The following CLASP1 variants were observed in gnomAD, a reference collection of about 807,000 sequenced individuals.
CLASP1 encodes cytoplasmic linker associated protein 1, also known as CLIP-associating protein 1.
In CLASP1, 38 loss-of-function variants were observed where a neutral mutation model predicts 192.3. The observed-to-expected ratio is 0.20, with a 90% CI of 0.15 to 0.26. The LOEUF (loss-of-function observed/expected upper bound fraction) is 0.26, where lower values mean the gene tolerates loss of function less well. Among genes scored for constraint, CLASP1 ranks in the 10% least tolerant of loss-of-function variants. The pLI, the probability that CLASP1 is intolerant of heterozygous loss-of-function variation, is 1.00. For missense variants in CLASP1, 1,433 were observed against 1,932.5 expected (o/e 0.74, Z 4.85); for synonymous variants, 691 against 712.8 (o/e 0.97, Z 0.49).
intron 2 of CLASP1, among the ~76,000 whole-genome samples, chr2:121,566,183 G>A (rs772565625): frequency 2.0e-5 from 3 of 152,188 alleles, no homozygotes; most frequent in Non-Finnish European, 4.4e-5. Context: ...CCCACAAGAG[G>A]GGGTAGATGT....
intron 2 of CLASP1, among the ~76,000 whole-genome samples, chr2:121,602,289 T>C (rs2063888142): frequency 6.6e-6 from 1 of 151,068 alleles, no homozygotes; most frequent in Non-Finnish European, 1.5e-5. Flanking sequence ...CAAGGAAAAC[T>C]ACAAAACACT....
At position 121,556,983 on chromosome 2, in the gene CLASP1, G is replaced by C. The variant is rs190341665; in HGVS notation, c.196-26658C>G. 3.0e-4 allele frequency among the ~76,000 whole-genome samples: 45 copies of C among 152,316 alleles called. 1 individual carries two copies. Among genetic ancestry groups the C allele is most frequent in the African/African-American group, 1.1e-3 (44 of 41,570 alleles). On this transcript the variant is annotated intron_variant, in intron 2 of 39. Transcript: ENST00000263710. ...TCTGCTACCAAATGACTCTAGGTGT[G>C]TTATTAATACTTGCATAATCGGGGC... is the stretch of plus-strand genomic sequence containing the variant.
chr2:121,602,546 G>T (rs2063916640), intron 2 of CLASP1, among the ~76,000 whole-genome samples: 1 of 152,144 alleles, frequency 6.6e-6, no homozygotes, highest in Non-Finnish European at 1.5e-5. Context: ...CACACTAACA[G>T]ACCTCAAAGT....
chr2:121,340,430 C>A lies in CLASP1; in HGVS notation c.*431G>T, dbSNP rs76799534. The A allele has an allele frequency of 6.0e-3, 986 of 164,216 alleles. 16 individuals are homozygous for A. The highest frequency in any genetic ancestry group is 0.023 in the African/African-American group (939 of 41,622). 10.2% of individuals were successfully genotyped at this position (164,216 alleles called of 1,614,324 possible). Reference sequence around the variant, plus strand: ...TGAAAGGGGCCCCACACAGACCATACGCACAAGAAAATAGGCTAAGGAGGA... The same window carrying A: ...TGAAAGGGGCCCCACACAGACCATAAGCACAAGAAAATAGGCTAAGGAGGA... On this transcript the variant is annotated 3_prime_UTR_variant, in exon 40 of 40. Coordinates refer to ENST00000263710, the Ensembl canonical transcript of CLASP1.
intron 34 of CLASP1, among the ~76,000 whole-genome samples, chr2:121,375,529 A>ATTTTTTT (rs2069888442): frequency 1.3e-5 from 2 of 151,932 alleles, no homozygotes; most frequent in Non-Finnish European, 2.9e-5. Flanking sequence ...AAGCCCAGCT[A>ATTTTTTT]ATTTTTATAT....
intron 16 of CLASP1, among the ~76,000 whole-genome samples, chr2:121,449,679 T>C (rs1229182600): frequency 6.6e-6 from 1 of 152,168 alleles, no homozygotes; most frequent in Non-Finnish European, 1.5e-5. Flanking sequence ...CCATTCCTAA[T>C]AGTTTTTAGC....
chr2:121,478,865 CA>C (rs1382336150), intron 8 of CLASP1, among the ~76,000 whole-genome samples: 89 of 81,162 alleles, frequency 1.1e-3, no homozygotes, highest in African/African-American at 3.0e-3. Context: ...CCACACCACA[CA>C]CACACCACAC....
intron 22 of CLASP1, among the ~76,000 whole-genome samples, chr2:121,421,102 G>A (rs1340732475): frequency 6.6e-6 from 1 of 152,066 alleles, no homozygotes; most frequent in East Asian, 1.9e-4. Context: ...AACCTCAAGA[G>A]CTTTGGCATC....
chr2:121,488,337 T>C (rs867777771), intron 8 of CLASP1, among the ~76,000 whole-genome samples: 1 of 152,180 alleles, frequency 6.6e-6, no homozygotes, highest in South Asian at 2.1e-4. Context: ...TAGGATGAGA[T>C]TGATGTGCCA....
chr2:121,397,243 C>T (rs1026509834), exon 30 of CLASP1: 1 of 1,613,910 alleles, frequency 6.2e-7, no homozygotes, highest in African/African-American at 1.3e-5. Flanking sequence ...ATCCATCTGT[C>T]TGGCCAGAGA....
intron 26 of CLASP1, 82 bp from the exon 28 acceptor site, chr2:121,401,952 T>G (rs552380109): frequency 3.6e-6 from 2 of 559,336 alleles, no homozygotes; most frequent in Non-Finnish European, 6.8e-6. Flanking sequence ...ACCATTTTCA[T>G]GCGTTTTTTT....
At chr2:121,386,404 C>T (rs2073201030) in intron 32 of CLASP1, among the ~76,000 whole-genome samples, 1 of 152,140 alleles carries the variant, frequency 6.6e-6, no homozygotes, top group Non-Finnish European at 1.5e-5. Context: ...AAAATTTTGG[C>T]CTATAGGGCA....
chr2:121,352,625 A>AT (rs963576401), intron 37 of CLASP1, among the ~76,000 whole-genome samples: 1 of 152,136 alleles, frequency 6.6e-6, no homozygotes, highest in Non-Finnish European at 1.5e-5. Context: ...CTAAGCTTCC[A>AT]TTTTTTAATA....
intron 26 of CLASP1, among the ~76,000 whole-genome samples, chr2:121,402,974 G>A (rs2076360621): frequency 6.6e-6 from 1 of 152,158 alleles, no homozygotes; most frequent in African/African-American, 2.4e-5. Context: ...TGCGATTACA[G>A]GTGCCCGCCA....
exon 40 of CLASP1, chr2:121,339,131 CCACA>C (rs3839033): frequency 0.018 from 2,532 of 143,560 alleles, 35 homozygotes; most frequent in South Asian, 0.048. Flanking sequence ...ACACACAACA[CCACA>C]CACACACACA....
intron 1 of CLASP1, among the ~76,000 whole-genome samples, chr2:121,645,677 A>T (rs2073051917): frequency 6.6e-6 from 1 of 152,224 alleles, no homozygotes; most frequent in African/African-American, 2.4e-5. Context: ...GGTGATATAT[A>T]CAACAGGAAG....
Position 121,391,300 on chromosome 2 carries a change from A to G in CLASP1, c.3124-3394T>C, listed in dbSNP as rs549719197. 7.7e-4 allele frequency among the ~76,000 whole-genome samples: 117 copies of G among 152,340 alleles called. 1 individual carries two copies. The highest frequency in any genetic ancestry group is 3.1e-3 in the Admixed American group (47 of 15,300). On this transcript the variant is annotated intron_variant, in intron 30 of 39. Transcript: ENST00000263710. Reference sequence around the variant, plus strand: ...CTTCTCCAGGACCAGAGCAGGTTGAAGCTGACCTAGTGGGGAAATCCTCAC... The same window carrying G: ...CTTCTCCAGGACCAGAGCAGGTTGAGGCTGACCTAGTGGGGAAATCCTCAC...
At chr2:121,378,155 T>C (rs375219705) in intron 33 of CLASP1, among the ~76,000 whole-genome samples, 1 of 152,070 alleles carries the variant, frequency 6.6e-6, no homozygotes, top group East Asian at 1.9e-4. Context: ...AATAAAACCC[T>C]ATTAAAACAA....
intron 33 of CLASP1, among the ~76,000 whole-genome samples, chr2:121,379,034 T>A (rs1352512968): frequency 1.4e-5 from 2 of 147,722 alleles, no homozygotes; most frequent in African/African-American, 5.0e-5. Context: ...TCACTTGGAG[T>A]GGCCAGATCT....
Sources: gnomAD v4.1 joint callset for allele counts (sites outside exome capture counted in the v4.1 genomes callset) on GRCh38, gnomAD v4.1.1 for gene constraint, MANE v1.5 for transcripts, NCBI Gene and HGNC (gene_info 2026-07-23, HGNC 2026-07-21) for gene names.